Variants in SGCD observed in about 807,000 individuals in gnomAD.
SGCD encodes sarcoglycan delta.
A neutral mutation model predicts 36.6 loss-of-function variants in SGCD; 18 were observed. That is an observed-to-expected ratio of 0.49 (90% CI 0.34 to 0.73). The LOEUF is 0.73. Among genes scored for constraint, SGCD ranks in the 30% least tolerant of loss-of-function variants. SGCD has a pLI of 0.01. For missense variants in SGCD, 387 were observed against 346.7 expected (o/e 1.12, Z -0.92); for synonymous variants, 133 against 130.6 (o/e 1.02, Z -0.12).
intron 3 of SGCD, among the ~76,000 whole-genome samples, chr5:156,495,868 C>T (rs1041749315): frequency 2.0e-5 from 3 of 152,154 alleles, no homozygotes; most frequent in Non-Finnish European, 4.4e-5. Context: ...GTCAGACAAT[C>T]GATAAATTCC....
At chr5:156,547,543 C>T (rs1192319633) in intron 4 of SGCD, among the ~76,000 whole-genome samples, 1 of 151,708 alleles carries the variant, frequency 6.6e-6, no homozygotes, top group Non-Finnish European at 1.5e-5. Context: ...CCCGGGTTCA[C>T]GCCATTCTCC....
At chr5:155,986,285 C>T (rs908365916) in intron 1 of SGCD, among the ~76,000 whole-genome samples, 2 of 152,204 alleles carry the variant, frequency 1.3e-5, no homozygotes, top group African/African-American at 4.8e-5. Context: ...GGTTCTTATG[C>T]TCCTGAACAT....
At chr5:156,233,006 G>A (rs143064167) in intron 3 of SGCD, among the ~76,000 whole-genome samples, 9 of 152,324 alleles carry the variant, frequency 5.9e-5, no homozygotes, top group Non-Finnish European at 1.0e-4. Context: ...CAGACTGGCT[G>A]AGAGGAGTTC....
chr5:156,414,660 A>G (rs1772935480), intron 3 of SGCD, among the ~76,000 whole-genome samples: 1 of 152,220 alleles, frequency 6.6e-6, no homozygotes. Flanking sequence ...ACAGGCTTTT[A>G]CAAAAACAGG....
intron 3 of SGCD, among the ~76,000 whole-genome samples, chr5:156,372,993 G>A (rs1770471766): frequency 6.6e-6 from 1 of 152,052 alleles, no homozygotes; most frequent in Non-Finnish European, 1.5e-5. Flanking sequence ...CATTTAAGGT[G>A]TAGAGAAATG....
intron 3 of SGCD, among the ~76,000 whole-genome samples, chr5:156,478,123 A>G (rs1354564): frequency 0.53 from 81,141 of 151,868 alleles, 21,964 homozygotes; most frequent in Middle Eastern, 0.71. Flanking sequence ...TCTGTTAAGT[A>G]GAAATAATGG....
intron 7 of SGCD, among the ~76,000 whole-genome samples, chr5:156,741,395 T>G (rs1581510548): frequency 6.6e-6 from 1 of 152,320 alleles, no homozygotes; most frequent in Admixed American, 6.5e-5. Flanking sequence ...TGTAGGGTTT[T>G]TTGATTCATG....
At chr5:156,279,035 T>C (rs1373270841) in intron 3 of SGCD, among the ~76,000 whole-genome samples, 1 of 152,158 alleles carries the variant, frequency 6.6e-6, no homozygotes, top group East Asian at 1.9e-4. Context: ...GCCAGGAATG[T>C]TACTAAACAT....
chr5:156,543,095 A>C (rs1313510172), intron 4 of SGCD, among the ~76,000 whole-genome samples: 1 of 152,136 alleles, frequency 6.6e-6, no homozygotes, highest in Non-Finnish European at 1.5e-5. Context: ...TGATCTGTAG[A>C]TGTAATAGCT....
chr5:155,750,656 A>AATAG, the SGCD span, among the ~76,000 whole-genome samples: 1 of 152,240 alleles, frequency 6.6e-6, no homozygotes, highest in Non-Finnish European at 1.5e-5. Context: ...TATATCATAA[A>AATAG]ATAGATATTT....
intron 3 of SGCD, among the ~76,000 whole-genome samples, chr5:156,266,344 T>TA (rs1178891409): frequency 6.6e-6 from 1 of 152,178 alleles, no homozygotes; most frequent in Non-Finnish European, 1.5e-5. Context: ...ATAGCAGAAT[T>TA]AAAAAATGGA....
the SGCD span, among the ~76,000 whole-genome samples, chr5:155,836,039 T>A: frequency 3.4e-4 from 52 of 152,202 alleles, no homozygotes; most frequent in African/African-American, 1.2e-3. Flanking sequence ...AAGTATCCCC[T>A]GTGGATAACA....
At chr5:156,749,711 A>G (rs1042779051) in intron 7 of SGCD, among the ~76,000 whole-genome samples, 2 of 152,210 alleles carry the variant, frequency 1.3e-5, no homozygotes, top group African/African-American at 4.8e-5. Flanking sequence ...AAATGGAAAA[A>G]AAAAGCTAAC....
intron 3 of SGCD, among the ~76,000 whole-genome samples, chr5:156,195,683 G>C (rs369762353): frequency 6.6e-6 from 1 of 152,042 alleles, no homozygotes; most frequent in Non-Finnish European, 1.5e-5. Flanking sequence ...CTGCTCTTCC[G>C]TACCTTGCTT....
intron 3 of SGCD, among the ~76,000 whole-genome samples, chr5:156,427,707 T>C (rs945146435): frequency 6.6e-6 from 1 of 152,182 alleles, no homozygotes; most frequent in Non-Finnish European, 1.5e-5. Flanking sequence ...TTGAGGTATG[T>C]CCCTTCTATG....
rs373428843 is a variant in SGCD, at chr5:155,923,076, T to C, written c.-282+52652T>C. ...CTGTTAACAGCATATATCCTTGATA[T>C]GATAGAACTGTGGCTTCAAATATGG... On this transcript the variant is annotated intron_variant, in intron 1 of 9. Transcript: ENST00000517913. 8.3e-4 allele frequency among the ~76,000 whole-genome samples: 126 copies of C among 152,322 alleles called. 3 individuals carry two copies. The South Asian group carries it at 0.025, about 30-fold the overall frequency.
chr5:156,720,206 A>G (rs539219327), intron 7 of SGCD, among the ~76,000 whole-genome samples: 53 of 152,230 alleles, frequency 3.5e-4, no homozygotes, highest in Non-Finnish European at 6.8e-4. Flanking sequence ...GATATTGAGC[A>G]CCAATTATGG....
chr5:156,350,247 T>TTATATATATATATATATATATA (rs59107352), intron 3 of SGCD, among the ~76,000 whole-genome samples: 1,075 of 95,660 alleles, frequency 0.011, 108 homozygotes, highest in Non-Finnish European at 0.019. Context: ...GGAAAAAAAA[T>TTATATATATATATATATATATA]TATATATATA....
intron 3 of SGCD, among the ~76,000 whole-genome samples, chr5:156,403,269 G>A (rs894765856): frequency 2.6e-5 from 4 of 152,224 alleles, no homozygotes; most frequent in Middle Eastern, 3.4e-3. Flanking sequence ...GTGTTCCTTA[G>A]AATCACAATT....
Sources: allele counts gnomAD v4.1 joint callset (sites outside exome capture counted in the v4.1 genomes callset), GRCh38; gene constraint gnomAD v4.1.1; transcripts MANE v1.5; gene names NCBI Gene and HGNC (gene_info 2026-07-23, HGNC 2026-07-21).